Variants in TSPAN9 observed in about 807,000 individuals in gnomAD.
TSPAN9 encodes tetraspanin-9.
A neutral mutation model predicts 31.0 loss-of-function variants in TSPAN9; 16 were observed. The ratio of observed to expected loss-of-function variants is 0.52; its 90% CI spans 0.35 to 0.78. The LOEUF is 0.78. Ranked by LOEUF, TSPAN9 falls within the 30% of genes least tolerant of loss-of-function variation. The pLI is 0.01. For missense variants in TSPAN9, 272 were observed against 312.5 expected, an observed-to-expected ratio of 0.87 and a Z score of 0.98; for synonymous variants, 145 against 121.6, an observed-to-expected ratio of 1.19 and a Z score of -1.27.
At chr12:3,196,137 C>T (rs1217171807) in intron 2 of TSPAN9, among the ~76,000 whole-genome samples, 3 of 152,162 alleles carry the variant, frequency 2.0e-5, no homozygotes, top group Admixed American at 2.0e-4. Context: ...ATGGTGTGCT[C>T]ATGGTGAGAG....
chr12:3,161,202 CAA>C (rs1328981559), intron 2 of TSPAN9, among the ~76,000 whole-genome samples: 2 of 150,816 alleles, frequency 1.3e-5, no homozygotes, highest in Non-Finnish European at 1.5e-5. Flanking sequence ...GCCTGGGCAA[CAA>C]GAGTGAAACT....
chr12:3,118,399 T>C (rs1429160993), intron 2 of TSPAN9, among the ~76,000 whole-genome samples: 1 of 151,422 alleles, frequency 6.6e-6, no homozygotes, highest in Non-Finnish European at 1.5e-5. Flanking sequence ...GTAGCTGGGA[T>C]GACAGGCACC....
intron 2 of TSPAN9, among the ~76,000 whole-genome samples, chr12:3,174,976 C>T (rs925770168): frequency 6.6e-6 from 1 of 151,992 alleles, no homozygotes; most frequent in Non-Finnish European, 1.5e-5. Context: ...CCTGCCCTGC[C>T]TGTCTTCTTT....
chr12:3,105,091 G>A (rs2098313627), intron 2 of TSPAN9, among the ~76,000 whole-genome samples: 1 of 152,228 alleles, frequency 6.6e-6, no homozygotes, highest in Non-Finnish European at 1.5e-5. Flanking sequence ...TGCCTGGGGA[G>A]TGGAATTTGT....
At chr12:3,206,316 G>T (rs146671673) in intron 3 of TSPAN9, 9 of 456,080 alleles carry the variant, frequency 2.0e-5, no homozygotes, top group Non-Finnish European at 4.0e-5. Flanking sequence ...GACTGGGCTC[G>T]CAGAGGGCGG....
chr12:3,204,210 C>T (rs1436641581), intron 3 of TSPAN9, among the ~76,000 whole-genome samples: 2 of 152,178 alleles, frequency 1.3e-5, no homozygotes, highest in East Asian at 3.8e-4. Context: ...GAACTCTTCC[C>T]ATAGATCCCG....
intron 3 of TSPAN9, among the ~76,000 whole-genome samples, chr12:3,272,004 C>G (rs1398182040): frequency 6.6e-6 from 1 of 152,182 alleles, no homozygotes; most frequent in Non-Finnish European, 1.5e-5. Context: ...TTCTCCACAT[C>G]CACTAATTTA....
chr12:3,261,818 C>T (rs1019430016), intron 3 of TSPAN9, among the ~76,000 whole-genome samples: 1 of 152,174 alleles, frequency 6.6e-6, no homozygotes, highest in Admixed American at 6.5e-5. Flanking sequence ...GTCCAGTGTC[C>T]ACAGACTGAG....
At chr12:3,095,847 C>G (rs1428984666) in intron 2 of TSPAN9, among the ~76,000 whole-genome samples, 1 of 146,728 alleles carries the variant, frequency 6.8e-6, no homozygotes, top group Non-Finnish European at 1.5e-5. Context: ...TCCTCACTTT[C>G]CAGACTGGGC....
chr12:3,081,844 G>GTATGTATATATATATA (rs374169690), intron 1 of TSPAN9, among the ~76,000 whole-genome samples: 1 of 116,738 alleles, frequency 8.6e-6, no homozygotes, highest in Non-Finnish European at 1.7e-5. Context: ...GTCTGTGTGT[G>GTATGTATATATATATA]TATATATATG....
At chr12:3,137,073 C>T (rs749533314) in intron 2 of TSPAN9, among the ~76,000 whole-genome samples, 15 of 152,218 alleles carry the variant, frequency 9.9e-5, no homozygotes, top group Admixed American at 3.9e-4. Flanking sequence ...CAGGGGACTG[C>T]GGCCGGGACC....
intron 3 of TSPAN9, among the ~76,000 whole-genome samples, chr12:3,275,540 T>C (rs1418511931): frequency 6.6e-6 from 1 of 152,264 alleles, no homozygotes; most frequent in Non-Finnish European, 1.5e-5. Flanking sequence ...ACTGACCAGA[T>C]TGAAGAAAAG....
intron 3 of TSPAN9, among the ~76,000 whole-genome samples, chr12:3,252,960 C>T (rs1321314441): frequency 6.6e-6 from 1 of 152,172 alleles, no homozygotes; most frequent in African/African-American, 2.4e-5. Context: ...CCTAAACTCA[C>T]ATTTGGAGGC....
At chr12:3,214,514 C>T (rs1276271176) in intron 3 of TSPAN9, among the ~76,000 whole-genome samples, 44 of 152,168 alleles carry the variant, frequency 2.9e-4, no homozygotes, top group Non-Finnish European at 1.5e-5. Context: ...GTTGGATTTG[C>T]CTCTTCGGAC....
chr12:3,242,245 T>G (rs2098396933), intron 3 of TSPAN9, among the ~76,000 whole-genome samples: 2 of 152,230 alleles, frequency 1.3e-5, no homozygotes, highest in African/African-American at 4.8e-5. Flanking sequence ...GGGATGGGGT[T>G]GAGCTGCTTC....
chr12:3,243,635 G>A (rs1008711937), intron 3 of TSPAN9, among the ~76,000 whole-genome samples: 14 of 152,276 alleles, frequency 9.2e-5, no homozygotes, highest in South Asian at 8.3e-4. Flanking sequence ...AAGCAGCCAG[G>A]CATCGGCCCT....
intron 2 of TSPAN9, among the ~76,000 whole-genome samples, chr12:3,154,806 C>T (rs1591651204): frequency 6.6e-6 from 1 of 152,232 alleles, no homozygotes; most frequent in East Asian, 1.9e-4. Flanking sequence ...AGCTGCCTCT[C>T]ACATGGACCT....
intron 1 of TSPAN9, among the ~76,000 whole-genome samples, chr12:3,078,417 A>G (rs1055481191): frequency 1.3e-5 from 2 of 152,162 alleles, no homozygotes; most frequent in Non-Finnish European, 2.9e-5. Context: ...GAGGATCCCT[A>G]TATATACCTG....
chr12:3,078,546 GATA>G (rs2098296266), intron 1 of TSPAN9, among the ~76,000 whole-genome samples: 1 of 152,186 alleles, frequency 6.6e-6, no homozygotes, highest in Non-Finnish European at 1.5e-5. Flanking sequence ...AGGGATTATG[GATA>G]ATTTCAAACA....
Sources: gnomAD v4.1 joint callset for allele counts (sites outside exome capture counted in the v4.1 genomes callset) on GRCh38, gnomAD v4.1.1 for gene constraint, MANE v1.5 for transcripts, NCBI Gene and HGNC (gene_info 2026-07-23, HGNC 2026-07-21) for gene names.